The following MAN2A1 variants were observed in gnomAD, a reference collection of about 807,000 sequenced individuals.
MAN2A1 encodes the protein mannosidase alpha class 2A member 1.
MAN2A1 carries 76 observed loss-of-function variants against 142.6 expected under a neutral mutation model. The ratio of observed to expected loss-of-function variants is 0.53; its 90% confidence interval spans 0.44 to 0.65. The LOEUF is 0.65. Ranked by LOEUF, MAN2A1 falls within the 30% of genes least tolerant of loss-of-function variation. The probability of loss-of-function intolerance (pLI) is 0.00; values close to 1 mark genes in which losing one functional copy is unlikely to be tolerated. For missense variants in MAN2A1, 1,311 were observed against 1,365.1 expected (o/e 0.96, Z 0.62); for synonymous variants, 559 against 473.2 (o/e 1.18, Z -2.35).
At chr5:109,712,150 A>G (rs1184748310) in intron 1 of MAN2A1, among the ~76,000 whole-genome samples, 2 of 151,200 alleles carry the variant, frequency 1.3e-5, no homozygotes, top group Non-Finnish European at 1.5e-5. Flanking sequence ...ACTTCTGCCA[A>G]TTCTGGCATA....
intron 9 of MAN2A1, 67 bp from the exon 10 acceptor site, chr5:109,784,677 T>A: frequency 1.6e-6 from 2 of 1,271,754 alleles, no homozygotes; most frequent in Non-Finnish European, 2.1e-6. Flanking sequence ...AGTATCAATG[T>A]CACAAGTTTT....
At chr5:109,714,304 T>C (rs1056386603) in intron 2 of MAN2A1, among the ~76,000 whole-genome samples, 6 of 152,102 alleles carry the variant, frequency 3.9e-5, no homozygotes, top group Non-Finnish European at 5.9e-5. Context: ...TAATGTGGCT[T>C]GATATGTGCT....
chr5:109,780,614 A>G (rs1219355275), intron 8 of MAN2A1, among the ~76,000 whole-genome samples: 1 of 151,858 alleles, frequency 6.6e-6, no homozygotes, highest in Non-Finnish European at 1.5e-5. Flanking sequence ...CTGTTAAATA[A>G]TCTGTTTATT....
At chr5:109,767,349 G>A (rs114633291) in intron 5 of MAN2A1, among the ~76,000 whole-genome samples, 186 bp from the exon 6 acceptor site, 1,805 of 152,276 alleles carry the variant, frequency 0.012, 22 homozygotes, top group Non-Finnish European at 0.019. Context: ...TATGTGGATA[G>A]GCAGTGGCAC....
chr5:109,714,917 T>A (rs1185366647), intron 2 of MAN2A1, among the ~76,000 whole-genome samples: 1 of 151,538 alleles, frequency 6.6e-6, no homozygotes, highest in Non-Finnish European at 1.5e-5. Context: ...CTGTGAGGTT[T>A]GGCTTTATTT....
intron 1 of MAN2A1, among the ~76,000 whole-genome samples, chr5:109,702,698 GATTTGAGAAGAACTCCAGAA>G (rs1348790003): frequency 6.6e-6 from 1 of 152,150 alleles, no homozygotes; most frequent in African/African-American, 2.4e-5. Context: ...AAACAAAAGA[GATTTGAGAAGAACTCCAGAA>G]ATTTGTATCC....
In MAN2A1 at chr5:109,733,188, G is replaced by GC. The variant is rs534559773; in HGVS notation, c.707+3676dup. On this transcript the variant is annotated intron_variant, in intron 4 of 21. Coordinates refer to ENST00000261483, the MANE Select transcript of MAN2A1 (RefSeq NM_002372.4). ...TTGTCTGTTATTGGTGTATAAGAAT[G>GC]CTTGTGATTTTTGTACGTTGATTTT... is the stretch of plus-strand genomic sequence containing the variant. Among the ~76,000 whole-genome samples the GC allele has an allele frequency of 1.5e-3, 233 of 152,280 alleles. 8 individuals carry two copies. In the South Asian group the frequency reaches 0.048, roughly 31 times the overall value.
intron 19 of MAN2A1, chr5:109,853,750 T>C (rs1283145976): frequency 6.6e-6 from 1 of 152,224 alleles, no homozygotes; most frequent in Non-Finnish European, 1.5e-5. Flanking sequence ...AATATCTTGT[T>C]GAAATTGTTC....
intron 3 of MAN2A1, 23 bp downstream of exon 3, chr5:109,716,287 A>G (rs773332356): frequency 1.9e-6 from 3 of 1,584,724 alleles, no homozygotes; most frequent in Admixed American, 3.5e-5. Context: ...CTTCAAAAAG[A>G]CAGGAGGTTA....
At chr5:109,691,161 C>G (rs1750660475) in intron 1 of MAN2A1, among the ~76,000 whole-genome samples, 1 of 152,046 alleles carries the variant, frequency 6.6e-6, no homozygotes, top group Non-Finnish European at 1.5e-5. Context: ...ACAGGGGGAA[C>G]CGAGTGGGGA....
intron 12 of MAN2A1, among the ~76,000 whole-genome samples, chr5:109,805,963 G>A (rs1043485997): frequency 6.6e-6 from 1 of 152,126 alleles, no homozygotes; most frequent in Non-Finnish European, 1.5e-5. Context: ...TTCAGAACTG[G>A]GTAGTGAAAC....
chr5:109,768,291 A>G (rs1489890386), intron 6 of MAN2A1, among the ~76,000 whole-genome samples: 1 of 152,182 alleles, frequency 6.6e-6, no homozygotes, highest in African/African-American at 2.4e-5. Context: ...CTCAACCCCT[A>G]TTTAATTCAG....
chr5:109,858,549 G>A (rs1393093476), intron 20 of MAN2A1, among the ~76,000 whole-genome samples: 10 of 152,192 alleles, frequency 6.6e-5, no homozygotes, highest in African/African-American at 2.4e-4. Flanking sequence ...GCAATAATGG[G>A]CTGTTCATTT....
At chr5:109,720,714 A>G (rs573561079) in intron 3 of MAN2A1, among the ~76,000 whole-genome samples, 2 of 152,328 alleles carry the variant, frequency 1.3e-5, no homozygotes, top group South Asian at 4.1e-4. Context: ...ATATTTTGAG[A>G]AAGTTTAGAA....
chr5:109,747,477 C>A (rs1752438269), intron 4 of MAN2A1, among the ~76,000 whole-genome samples: 1 of 152,032 alleles, frequency 6.6e-6, no homozygotes, highest in Admixed American at 6.6e-5. Flanking sequence ...CTTGACTAAT[C>A]TCTTACTTTT....
chr5:109,793,467 A>G (rs1005544766), intron 12 of MAN2A1, among the ~76,000 whole-genome samples: 2 of 152,176 alleles, frequency 1.3e-5, no homozygotes, highest in African/African-American at 4.8e-5. Flanking sequence ...ATTAAGCTTC[A>G]GACACCAGAT....
chr5:109,776,496 T>C (rs1053195379), intron 8 of MAN2A1, among the ~76,000 whole-genome samples: 2 of 152,094 alleles, frequency 1.3e-5, no homozygotes, highest in Non-Finnish European at 2.9e-5. Context: ...TAGGAAGTGA[T>C]TTTGGTTCAT....
chr5:109,765,927 C>T (rs1442597743), intron 5 of MAN2A1, among the ~76,000 whole-genome samples: 1 of 152,034 alleles, frequency 6.6e-6, no homozygotes. Context: ...TTCCTGGCTT[C>T]AGCCTTGGAA....
intron 12 of MAN2A1, among the ~76,000 whole-genome samples, chr5:109,807,389 A>T (rs2112706513): frequency 6.6e-6 from 1 of 152,336 alleles, no homozygotes; most frequent in Non-Finnish European, 1.5e-5. Flanking sequence ...ATTCTACTAA[A>T]AAATACACAC....
Sources: allele counts gnomAD v4.1 joint callset (sites outside exome capture counted in the v4.1 genomes callset), GRCh38; gene constraint gnomAD v4.1.1; transcripts MANE v1.5; gene names NCBI Gene and HGNC (gene_info 2026-07-23, HGNC 2026-07-21).